Variants in TUT4 observed in about 807,000 individuals in gnomAD.
TUT4 encodes the protein terminal uridylyl transferase 4.
A neutral mutation model predicts 192.2 loss-of-function variants in TUT4; 36 were observed. The ratio of observed to expected loss-of-function variants is 0.19; its 90% CI spans 0.14 to 0.25. The LOEUF is 0.25. Ranked by LOEUF, TUT4 falls within the 10% of genes least tolerant of loss-of-function variation. The pLI, the probability that TUT4 is intolerant of heterozygous loss-of-function variation, is 1.00. For synonymous variants in TUT4, 618 were observed against 666.0 expected (o/e 0.93, Z 1.11); for missense variants, 1,493 against 1,957.2 (o/e 0.76, Z 4.47).
chr1:52,473,815 G>A (rs1248284778), intron 13 of TUT4, among the ~76,000 whole-genome samples: 3 of 152,050 alleles, frequency 2.0e-5, no homozygotes, highest in East Asian at 3.9e-4. Flanking sequence ...ACTGTGATTC[G>A]GTTAAAACTT....
At chr1:52,488,211 C>T (rs188551876) in intron 9 of TUT4, among the ~76,000 whole-genome samples, 73 of 152,328 alleles carry the variant, frequency 4.8e-4, no homozygotes, top group African/African-American at 1.4e-3. Context: ...CTAACACCAT[C>T]CCCTTAACCA....
chr1:52,517,193 ACAGAGTAATGGAATTTGTATT>A (rs1271329234), intron 2 of TUT4, among the ~76,000 whole-genome samples: 1 of 152,174 alleles, frequency 6.6e-6, no homozygotes, highest in Non-Finnish European at 1.5e-5. Context: ...TCTCACATTT[ACAGAGTAATGGAATTTGTATT>A]CATGTATCTG....
chr1:52,551,874 A>C (rs1011302683), intron 1 of TUT4, among the ~76,000 whole-genome samples: 1 of 152,230 alleles, frequency 6.6e-6, no homozygotes, highest in Non-Finnish European at 1.5e-5. Context: ...AAGTGCTACA[A>C]ACATTTCGCT....
Position 52,480,857 on chromosome 1 carries a change from A to G in TUT4, c.1848+566T>C, listed in dbSNP as rs535161521. On this transcript the variant is annotated intron_variant, in intron 11 of 29. Transcript: ENST00000257177. ...AGAGTTGAATACAATAGTCAAGTAT[A>G]TCAGGAAACTACAAATAATTCAATA... 5.5e-3 allele frequency among the ~76,000 whole-genome samples: 833 copies of G among 152,354 alleles called. 5 individuals carry two copies. The highest frequency in any genetic ancestry group is 0.02 in the South Asian group (95 of 4,828).
At chr1:52,530,596 A>G (rs534449406) in intron 1 of TUT4, among the ~76,000 whole-genome samples, 5 of 152,312 alleles carry the variant, frequency 3.3e-5, no homozygotes, top group African/African-American at 9.6e-5. Flanking sequence ...CAAAAATTTT[A>G]TCACAAAATT....
chr1:52,499,845 C>T (rs373041303), intron 4 of TUT4, among the ~76,000 whole-genome samples: 13 of 150,936 alleles, frequency 8.6e-5, no homozygotes, highest in African/African-American at 2.4e-4. Context: ...CAGAGGTGGG[C>T]GGATCACTTG....
intron 24 of TUT4, 60 bp from the exon 25 acceptor site, chr1:52,438,395 G>A: frequency 1.8e-6 from 2 of 1,140,098 alleles, no homozygotes; most frequent in Non-Finnish European, 2.6e-6. Flanking sequence ...AATCCAAATG[G>A]AAAGAAGACC....
chr1:52,431,471 A>T lies in TUT4; in HGVS notation c.4264-11T>A. On this transcript the variant is annotated splice_polypyrimidine_tract_variant and intron_variant, in intron 27 of 29. Coordinates refer to ENST00000257177, the MANE Select transcript of TUT4 (RefSeq NM_001009881.3). ...AGATGGTGATTCAGACTGCAGACAA[A>T]AAAAAAATTTTTTTTAATTAATTTA... 6.7e-6 allele frequency: 10 copies of T among 1,489,122 alleles called. No individual in the cohort carries two copies. The highest frequency in any genetic ancestry group is 8.9e-6 in the Non-Finnish European group (10 of 1,119,760). 92.2% of individuals were successfully genotyped at this position (1,489,122 alleles called of 1,614,324 possible).
intron 1 of TUT4, among the ~76,000 whole-genome samples, chr1:52,527,869 A>C (rs530378177): frequency 6.6e-6 from 1 of 152,026 alleles, no homozygotes; most frequent in South Asian, 2.1e-4. Flanking sequence ...TTTGCTGTGA[A>C]CCTAAAAGTG....
intron 1 of TUT4, among the ~76,000 whole-genome samples, chr1:52,533,058 G>C (rs1321800567): frequency 3.3e-5 from 5 of 152,160 alleles, no homozygotes; most frequent in African/African-American, 1.2e-4. Flanking sequence ...TCAGTAGATT[G>C]GGAGTGGGTT....
intron 14 of TUT4, 59 bp downstream of exon 14, chr1:52,471,889 AAATT>A: frequency 2.7e-6 from 4 of 1,497,088 alleles, no homozygotes; most frequent in Non-Finnish European, 3.6e-6. Flanking sequence ...TTAAATCAGA[AAATT>A]AATATTTAAT....
Position 52,445,818 on chromosome 1 carries a change from G to A in TUT4, c.3791C>T (p.Thr1264Ile), listed in dbSNP as rs1657382582. 1 of 1,612,452 alleles carries A rather than the reference G, an allele frequency of 6.2e-7. No homozygotes were observed. The highest frequency in any genetic ancestry group is 8.5e-7 in the Non-Finnish European group (1 of 1,179,156). Residue 1264 changes from threonine to isoleucine, a missense_variant, in exon 24 of 30, where the codon ACC becomes ATC. Thr to Ile is a moderately conservative substitution (Grantham distance 89). Transcript: ENST00000257177. ...TCTGCCAATGAGTGGATAAAAAGGG[G>A]TACCAAAAAGTTTCCTTCCATTGAT... is the stretch of plus-strand genomic sequence containing the variant. ...AFINGRKLFG[T>I]PFYPLIGREA...
rs948148898 is a variant in TUT4 at position 52,474,897 on chromosome 1, C to T, written c.2662G>A (p.Asp888Asn). Residue 888 changes from aspartate (D) to asparagine (N), a missense_variant, in exon 13 of 30, where the codon GAT (aspartate) becomes AAT (asparagine). Physicochemically the swap from Asp to Asn is conservative, Grantham distance 23. This residue lies in a region of TUT4 where 245 missense variants were observed against 218.4 expected (regional missense o/e 1.12). Coordinates refer to ENST00000257177, the MANE Select transcript of TUT4 (RefSeq NM_001009881.3). ...AATTCCTGGGTGGGGAGGTTATCAT[C>T]ATCATTAAGGTCAGAAGCATCTTCT... is the stretch of plus-strand genomic sequence containing the variant. The part of the protein sequence containing the change: ...ATEDASDLND[D>N]DNLPTQELYY... The T allele has an allele frequency of 1.2e-6, 2 of 1,613,834 alleles. No individual in the cohort carries two copies. Among genetic ancestry groups the T allele is most frequent in the Non-Finnish European group, 1.7e-6 (2 of 1,179,996 alleles).
intron 12 of TUT4, among the ~76,000 whole-genome samples, chr1:52,475,968 C>G (rs559381176): frequency 6.6e-6 from 1 of 152,050 alleles, no homozygotes; most frequent in South Asian, 2.1e-4. Context: ...ACTCAGCCTC[C>G]GGAGTAGCTG....
chr1:52,446,040 T>C (rs142509964), intron 22 of TUT4, 36 bp from the exon 23 acceptor site: 1 of 1,564,588 alleles, frequency 6.4e-7, no homozygotes, highest in Non-Finnish European at 8.7e-7. Flanking sequence ...AAGAATTACA[T>C]TCACTGTACC....
intron 12 of TUT4, among the ~76,000 whole-genome samples, chr1:52,476,522 T>C (rs547419758): frequency 3.9e-5 from 6 of 152,300 alleles, no homozygotes; most frequent in Admixed American, 1.3e-4. Context: ...GAAGATCTTT[T>C]GGTATTAACA....
intron 1 of TUT4, among the ~76,000 whole-genome samples, chr1:52,541,645 T>C (rs556436744): frequency 8.6e-5 from 13 of 151,128 alleles, no homozygotes; most frequent in African/African-American, 2.7e-4. Context: ...GAAGAAAACA[T>C]AGGAGTAAAT....
At chr1:52,447,960 G>C (rs1264213919) in intron 20 of TUT4, among the ~76,000 whole-genome samples, 1 of 152,176 alleles carries the variant, frequency 6.6e-6, no homozygotes, top group Non-Finnish European at 1.5e-5. Flanking sequence ...GTGGGCCTGG[G>C]CCCAATGGCC....
chr1:52,480,945 A>G (rs1417413843), intron 11 of TUT4, among the ~76,000 whole-genome samples: 1 of 152,236 alleles, frequency 6.6e-6, no homozygotes, highest in Non-Finnish European at 1.5e-5. Context: ...TCCATTTAGA[A>G]GACTACAAGC....
Sources: gnomAD v4.1 joint callset for allele counts (sites outside exome capture counted in the v4.1 genomes callset) on GRCh38, gnomAD v4.1.1 for gene constraint, gnomAD v4.1.1 regional missense constraint, MANE v1.5 for transcripts, NCBI Gene and HGNC (gene_info 2026-07-23, HGNC 2026-07-21) for gene names.